Variants in DOCK2 observed in about 807,000 individuals in gnomAD.
DOCK2 encodes the protein dedicator of cytokinesis 2.
DOCK2 carries 87 observed loss-of-function variants against 248.9 expected under a neutral mutation model. The ratio of observed to expected loss-of-function variants is 0.35; its 90% CI spans 0.29 to 0.42. The LOEUF (loss-of-function observed/expected upper bound fraction) is 0.42, where lower values mean the gene tolerates loss of function less well. Among genes scored for constraint, DOCK2 ranks in the 10% least tolerant of loss-of-function variants. The pLI is 1.00. For synonymous variants in DOCK2, 805 were observed against 821.6 expected, an observed-to-expected ratio of 0.98 and a Z score of 0.35; for missense variants, 1,747 against 2,300.2, an observed-to-expected ratio of 0.76 and a Z score of 4.92.
At chr5:170,016,044 A>G (rs1755528521) in intron 32 of DOCK2, among the ~76,000 whole-genome samples, 1 of 152,132 alleles carries the variant, frequency 6.6e-6, no homozygotes, top group African/African-American at 2.4e-5. Context: ...GCCACTGTAC[A>G]GATGAGAAAC....
At position 169,784,125 on chromosome 5, in the gene DOCK2, ATTT is replaced by A. The variant is rs11296090; in HGVS notation, c.2555-18922_2555-18920del. The stretch of plus-strand genomic sequence containing the variant: ...GCGTGGATTGTGGTCAATTTCATTG[ATTT>A]TTTTTTTTTTCTCAACACAACAGTT... On this transcript the variant is annotated intron_variant, in intron 25 of 51. Coordinates refer to ENST00000520908, the MANE Select transcript of DOCK2 (RefSeq NM_004946.3). 1.0e-3 allele frequency among the ~76,000 whole-genome samples: 153 copies of A among 150,664 alleles called. 2 individuals are homozygous for A. In the South Asian group the frequency reaches 0.018, roughly 17 times the overall value.
chr5:169,983,062 T>C lies in DOCK2; in HGVS notation c.2800-6T>C. 1 of 1,614,016 alleles carries C rather than the reference T, an allele frequency of 6.2e-7. No individual in the cohort carries two copies. ...TATTTATAGTATTTGTCTTCATTTC[T>C]TGCAGAGTCACTTTGTGGCATGTAT... On this transcript the variant is annotated splice_polypyrimidine_tract_variant and splice_region_variant and intron_variant, in intron 27 of 51. Transcript: ENST00000520908.
chr5:170,067,378 A>T, intron 44 of DOCK2, 132 bp from the exon 45 acceptor site: 2 of 857,270 alleles, frequency 2.3e-6, no homozygotes, highest in Admixed American at 2.9e-5. Flanking sequence ...TAATTACAAG[A>T]TCCTGTTACA....
chr5:170,072,026 A>G (rs556839032), intron 46 of DOCK2, among the ~76,000 whole-genome samples: 1 of 152,324 alleles, frequency 6.6e-6, no homozygotes, highest in East Asian at 1.9e-4. Context: ...ATTTATTTTT[A>G]TACTAATAGA....
In DOCK2 at chr5:169,831,216, C is replaced by CA. The variant is rs5873194; in HGVS notation, c.2704-9531dup. 2.6e-4 allele frequency among the ~76,000 whole-genome samples: 39 copies of CA among 150,408 alleles called. 1 individual carries two copies. Among genetic ancestry groups the CA allele is most frequent in the African/African-American group, 4.9e-4 (20 of 41,114 alleles). ...TTTCTGGACATAGAAAATAAATTTT[C>CA]AAAAAAAAAAGGTGTATATTACATA... On this transcript the variant is annotated intron_variant, in intron 26 of 51. Transcript: ENST00000520908.
intron 27 of DOCK2, among the ~76,000 whole-genome samples, chr5:169,858,140 A>G (rs1209682206): frequency 6.6e-6 from 1 of 152,238 alleles, no homozygotes; most frequent in Non-Finnish European, 1.5e-5. Flanking sequence ...TTTAAACCCC[A>G]TGGTGGTACA....
chr5:169,780,219 T>C (rs1765624379), intron 25 of DOCK2, among the ~76,000 whole-genome samples: 1 of 152,018 alleles, frequency 6.6e-6, no homozygotes, highest in Non-Finnish European at 1.5e-5. Flanking sequence ...AGCTGTAAAC[T>C]CTGCTCTATG....
chr5:169,701,150 G>C (rs533251506), intron 13 of DOCK2, among the ~76,000 whole-genome samples: 1 of 152,176 alleles, frequency 6.6e-6, no homozygotes, highest in South Asian at 2.1e-4. Flanking sequence ...CTTCCTTCAG[G>C]CCTTCTCTGT....
At chr5:170,025,162 T>C (rs1755859561) in intron 33 of DOCK2, among the ~76,000 whole-genome samples, 2 of 152,254 alleles carry the variant, frequency 1.3e-5, no homozygotes, top group African/African-American at 4.8e-5. Flanking sequence ...GTGCTTTACA[T>C]ATAAAATCTC....
chr5:169,991,955 A>T (rs1778220697), intron 29 of DOCK2, among the ~76,000 whole-genome samples: 1 of 152,228 alleles, frequency 6.6e-6, no homozygotes, highest in African/African-American at 2.4e-5. Flanking sequence ...AGCACAGGCC[A>T]TATGAATTAT....
chr5:169,714,544 A>C, intron 19 of DOCK2, 87 bp downstream of exon 19: 2 of 1,434,618 alleles, frequency 1.4e-6, no homozygotes, highest in South Asian at 2.5e-5. Flanking sequence ...CAAGGTATTG[A>C]AGGACATGGG....
At chr5:169,749,869 A>G (rs1763808507) in intron 23 of DOCK2, among the ~76,000 whole-genome samples, 1 of 152,182 alleles carries the variant, frequency 6.6e-6, no homozygotes, top group Non-Finnish European at 1.5e-5. Flanking sequence ...TTCTCTGACT[A>G]AGGGGATAAC....
rs1028626331 is a variant in DOCK2, at chr5:169,840,740, C to A, written c.2704-17C>A. 2 of 1,612,312 alleles carry A rather than the reference C, an allele frequency of 1.2e-6. No individual in the cohort carries two copies. The highest frequency in any genetic ancestry group is 2.2e-5 in the East Asian group (1 of 44,796). ...AGTGTCCTGGTTGTCACATAGATGT[C>A]TCTGACTGTTTTACAGGCCTTCACC... On this transcript the variant is annotated splice_polypyrimidine_tract_variant and intron_variant, in intron 26 of 51. Coordinates refer to ENST00000520908, the MANE Select transcript of DOCK2 (RefSeq NM_004946.3).
chr5:169,774,313 T>C lies in DOCK2; in HGVS notation c.2554+12688T>C, dbSNP rs910501033. On this transcript the variant is annotated intron_variant, in intron 25 of 51. Coordinates refer to ENST00000520908, the MANE Select transcript of DOCK2 (RefSeq NM_004946.3). ...TGTATGGCCACCACTTATTTAACCATGATTTTGTGCCAGGCCCCAAATAAT... is the reference window on the plus strand; with the variant it reads ...TGTATGGCCACCACTTATTTAACCACGATTTTGTGCCAGGCCCCAAATAAT... Among the ~76,000 whole-genome samples, 11 of 152,322 alleles carry C rather than the reference T, an allele frequency of 7.2e-5. 1 individual carries two copies. The highest frequency in any genetic ancestry group is 2.6e-4 in the African/African-American group (11 of 41,572).
rs541486242 is a variant in DOCK2 at position 169,732,212 on chromosome 5, A to G, written c.2267+13421A>G. On this transcript the variant is annotated intron_variant, in intron 22 of 51. Coordinates refer to ENST00000520908, the MANE Select transcript of DOCK2 (RefSeq NM_004946.3). ...AATTAAGAATACCCTAAATAGCATGAGCCACAGCATTTTATTCTGCTGACC... is the reference window on the plus strand; with the variant it reads ...AATTAAGAATACCCTAAATAGCATGGGCCACAGCATTTTATTCTGCTGACC... 2.6e-5 allele frequency among the ~76,000 whole-genome samples: 4 copies of G among 152,314 alleles called. No individual in the cohort carries two copies. In the East Asian group the frequency reaches 7.7e-4, roughly 29 times the overall value.
intron 22 of DOCK2, among the ~76,000 whole-genome samples, chr5:169,734,859 G>A (rs555149101): frequency 6.6e-6 from 1 of 152,120 alleles, no homozygotes; most frequent in Non-Finnish European, 1.5e-5. Context: ...TATTCCCCAG[G>A]CAGCCATCAA....
chr5:170,075,717 A>G, intron 46 of DOCK2: 3 of 506,878 alleles, frequency 5.9e-6, no homozygotes, highest in Non-Finnish European at 1.1e-5. Flanking sequence ...CAGCCCTCCT[A>G]TGAGGCAAGG....
chr5:169,857,884 T>C (rs1191476510), intron 27 of DOCK2, among the ~76,000 whole-genome samples: 1 of 152,188 alleles, frequency 6.6e-6, no homozygotes, highest in Non-Finnish European at 1.5e-5. Flanking sequence ...AAAAGATAAG[T>C]ATTCTGTTTA....
chr5:169,898,567 C>A (rs1474296418), intron 27 of DOCK2, among the ~76,000 whole-genome samples: 1 of 151,616 alleles, frequency 6.6e-6, no homozygotes. Flanking sequence ...ACAACACACA[C>A]CGGATTGCAG....
Sources: allele counts gnomAD v4.1 joint callset (sites outside exome capture counted in the v4.1 genomes callset), GRCh38; gene constraint gnomAD v4.1.1; transcripts MANE v1.5; gene names NCBI Gene and HGNC (gene_info 2026-07-23, HGNC 2026-07-21).